STARD5: variants seen among roughly 807,000 people sequenced by gnomAD.
STARD5 encodes stAR-related lipid transfer protein 5.
STARD5 carries 26 observed loss-of-function variants against 24.6 expected under a neutral mutation model. That is an observed-to-expected ratio of 1.06 (90% CI 0.77 to 1.47). The LOEUF is 1.47. Ranked by LOEUF, STARD5 falls within the 40% of genes most tolerant of loss-of-function variation. The pLI is 0.00. For missense variants in STARD5, 254 were observed against 270.8 expected, an observed-to-expected ratio of 0.94 and a Z score of 0.44; for synonymous variants, 101 against 99.7, an observed-to-expected ratio of 1.01 and a Z score of -0.07.
chr15:81,320,854 T>G (rs895705052), intron 3 of STARD5, among the ~76,000 whole-genome samples: 1 of 152,320 alleles, frequency 6.6e-6, no homozygotes, highest in East Asian at 1.9e-4. Context: ...AAAGAAATTT[T>G]GAAGACAGCA....
chr15:81,322,182 G>A (rs918489220), intron 3 of STARD5, among the ~76,000 whole-genome samples: 4 of 152,184 alleles, frequency 2.6e-5, no homozygotes, highest in African/African-American at 7.2e-5. Context: ...TATGCTCCCC[G>A]CAGAGACTCT....
At chr15:81,322,352 G>GTTAC (rs1893305472) in intron 3 of STARD5, 56 bp downstream of exon 3, 1 of 1,608,940 alleles carries the variant, frequency 6.2e-7, no homozygotes, top group East Asian at 2.2e-5. Context: ...ATGGGAGGGG[G>GTTAC]TTACTATAGC....
chr15:81,313,160 C>A lies in STARD5; in HGVS notation c.*96G>T, dbSNP rs920723924. The A allele has an allele frequency of 7.2e-7, 1 of 1,384,228 alleles. No individual in the cohort carries two copies. Among genetic ancestry groups the A allele is most frequent in the Non-Finnish European group, 9.6e-7 (1 of 1,043,888 alleles). 85.7% of individuals were successfully genotyped at this position (1,384,228 alleles called of 1,614,324 possible). A position where few individuals can be genotyped will look rare whatever the true frequency, so the allele number is the denominator to read the frequency against. On this transcript the variant is annotated 3_prime_UTR_variant, in exon 6 of 6. Transcript: ENST00000302824. ...CCATCAGCTTGTTCCAAAGAGTGAA[C>A]ACAGGCCTCTGCGTGCTCCCAGGCT...
intron 5 of STARD5, among the ~76,000 whole-genome samples, chr15:81,317,089 C>T (rs970659146): frequency 2.0e-5 from 3 of 150,614 alleles, no homozygotes; most frequent in African/African-American, 7.4e-5. Flanking sequence ...CCCAGCTACT[C>T]GGGAGGCTGA....
rs1230853556 is a variant in STARD5, at chr15:81,309,667, CAG to C, written c.*3587_*3588del. Reference sequence around the variant, plus strand: ...AGGGAAGGGTGGTGGAGCCAGTAAACAGAGGAGTACAGGTGAAGCACCAAGCT... The same window carrying C: ...AGGGAAGGGTGGTGGAGCCAGTAAACAGGAGTACAGGTGAAGCACCAAGCT... On this transcript the variant is annotated 3_prime_UTR_variant, in exon 6 of 6. Transcript: ENST00000302824. The C allele has an allele frequency of 1.3e-5, 2 of 152,146 alleles. No homozygotes were observed. The highest frequency in any genetic ancestry group is 1.9e-4 in the East Asian group (1 of 5,182). The allele number at this position is 152,146 out of a possible 1,614,324, so 9.4% of individuals were successfully genotyped here.
At chr15:81,321,760 T>C (rs917319852) in intron 3 of STARD5, among the ~76,000 whole-genome samples, 4 of 152,134 alleles carry the variant, frequency 2.6e-5, no homozygotes, top group African/African-American at 9.7e-5. Context: ...GGAATGGAAA[T>C]TTGAGTTCCA....
chr15:81,313,173 G>C lies in STARD5; in HGVS notation c.*83C>G. On this transcript the variant is annotated 3_prime_UTR_variant, in exon 6 of 6. Coordinates refer to ENST00000302824, the MANE Select transcript of STARD5 (RefSeq NM_181900.3). ...CCAAAGAGTGAACACAGGCCTCTGC[G>C]TGCTCCCAGGCTCCTTGGTGTCCCA... 7.0e-7 allele frequency: 1 copy of C among 1,423,220 alleles called. No individual in the cohort carries two copies. The highest frequency in any genetic ancestry group is 9.3e-7 in the Non-Finnish European group (1 of 1,075,026). 88.2% of individuals were successfully genotyped at this position (1,423,220 alleles called of 1,614,324 possible). A position where few individuals can be genotyped will look rare whatever the true frequency, so the allele number is the denominator to read the frequency against.
chr15:81,320,527 T>G (rs79855055), intron 3 of STARD5, among the ~76,000 whole-genome samples: 2,147 of 152,244 alleles, frequency 0.014, 68 homozygotes, highest in African/African-American at 0.049. Flanking sequence ...AATCATCCTA[T>G]CATGAATTGT....
rs975277034 is a variant in STARD5 at position 81,311,325 on chromosome 15, T to G, written c.*1931A>C. 1 of 152,232 alleles carries G rather than the reference T, an allele frequency of 6.6e-6. No individual in the cohort carries two copies. Among genetic ancestry groups the G allele is most frequent in the East Asian group, 1.9e-4 (1 of 5,204 alleles). 9.4% of individuals were successfully genotyped at this position (152,232 alleles called of 1,614,324 possible). A position where few individuals can be genotyped will look rare whatever the true frequency, so the allele number is the denominator to read the frequency against. On this transcript the variant is annotated 3_prime_UTR_variant, in exon 6 of 6. Transcript: ENST00000302824. ...TACATTATCTCACTTGTGCCAACAC[T>G]CAAGAAGCAGGCTACACTGACACTG...
chr15:81,317,465 G>C lies in STARD5; in HGVS notation c.494+944C>G, dbSNP rs1263130402. On this transcript the variant is annotated intron_variant, in intron 5 of 5. Transcript: ENST00000302824. ...AGGGCACCTATATATTGGGAGAACT[G>C]AAACTGAGTGCAGGTGTGTATGTCT... 5.9e-5 allele frequency among the ~76,000 whole-genome samples: 9 copies of C among 152,154 alleles called. No individual in the cohort carries two copies. The South Asian group carries it at 1.9e-3, about 32-fold the overall frequency.
At chr15:81,319,776 C>T (rs6495562) in intron 3 of STARD5, among the ~76,000 whole-genome samples, 143,265 of 152,316 alleles carry the variant, frequency 0.94, 67,500 homozygotes, top group African/African-American at 0.99. Context: ...AAGCTCTCAG[C>T]TGTCCCTTAC....
In STARD5 at chr15:81,324,032, T is replaced by TC. The variant is rs1893342226; in HGVS notation, c.67dup (p.Asp23GlyfsTer59). 1 of 1,603,982 alleles carries TC rather than the reference T, an allele frequency of 6.2e-7. No individual in the cohort carries two copies. The highest frequency in any genetic ancestry group is 1.3e-5 in the African/African-American group (1 of 74,762). ...CCGGCAAATCTTCCAGCCTGCTGTG[T>TC]CCCGCCGGTACTGGAGCATCTTCTC... On this transcript the variant is annotated frameshift_variant, in exon 1 of 6. Coordinates refer to ENST00000302824, the MANE Select transcript of STARD5 (RefSeq NM_181900.3). LOFTEE classifies it high-confidence loss of function.
chr15:81,323,941 G>A, intron 1 of STARD5, 60 bp downstream of exon 1: 1 of 1,525,078 alleles, frequency 6.6e-7, no homozygotes, highest in Non-Finnish European at 8.9e-7. Context: ...GGGGGCTTCT[G>A]GGGACCCGGG....
Position 81,313,394 on chromosome 15 carries a change from G to A in STARD5, c.504C>T (p.Thr168=), listed in dbSNP as rs780771835. 100 of 1,549,746 alleles carry A rather than the reference G, an allele frequency of 6.5e-5. No homozygotes were observed. In the East Asian group the frequency reaches 2.3e-3, roughly 36 times the overall value. ...GGAAGAATGTGACCAGGTTGGTCTT[G>A]GTGGGTTCCCTGTGAAGGCAACAGC... ...CFCEPLPGEP[T]KTNLVTFFHT... is the part of the protein sequence containing the mutation. The change falls in exon 6 of 6, where the codon ACC becomes ACT. Residue 168 remains threonine, a synonymous_variant. Transcript: ENST00000302824.
chr15:81,320,446 A>G (rs1023230644), intron 3 of STARD5, among the ~76,000 whole-genome samples: 2 of 152,186 alleles, frequency 1.3e-5, no homozygotes, highest in Non-Finnish European at 2.9e-5. Context: ...CTGCCTGGGA[A>G]CAGGCTGCAC....
Position 81,310,283 on chromosome 15 carries a change from A to G in STARD5, c.*2973T>C, listed in dbSNP as rs1900784290. The stretch of plus-strand genomic sequence containing the variant: ...GATGGCTTCTCCAGGGTCCACAGGA[A>G]GTGAAGAATCTGTTTCCCAGCAGTG... On this transcript the variant is annotated 3_prime_UTR_variant, in exon 6 of 6. Coordinates refer to ENST00000302824, the MANE Select transcript of STARD5 (RefSeq NM_181900.3). 1 of 152,262 alleles carries G rather than the reference A, an allele frequency of 6.6e-6. No homozygotes were observed. Among genetic ancestry groups the G allele is most frequent in the Non-Finnish European group, 1.5e-5 (1 of 68,048 alleles). 9.4% of individuals were successfully genotyped at this position (152,262 alleles called of 1,614,324 possible).
intron 4 of STARD5, 44 bp downstream of exon 4, chr15:81,319,295 C>T (rs768499450): frequency 1.6e-5 from 25 of 1,532,668 alleles, no homozygotes; most frequent in East Asian, 4.5e-5. Flanking sequence ...AGAGAAAGCT[C>T]GATATCGCAG....
chr15:81,322,463 C>A lies in STARD5; in HGVS notation c.227G>T (p.Arg76Leu). 1 of 1,614,214 alleles carries A rather than the reference C, an allele frequency of 6.2e-7. No individual in the cohort carries two copies. Among genetic ancestry groups the A allele is most frequent in the Admixed American group, 1.7e-5 (1 of 60,030 alleles). ...DCVKPAVGGL[R>L]VKWDENVTGF... is the part of the protein sequence containing the mutation. The stretch of plus-strand genomic sequence containing the variant: ...GGTCACATTCTCATCCCACTTCACT[C>A]GTAGGCCTCCAACAGCTGGCTTCAC... The change falls in exon 3 of 6, where the codon CGA (arginine) becomes CTA (leucine). Residue 76 changes from arginine (R) to leucine (L), a missense_variant. By Grantham distance (102) the Arg-to-Leu change is moderately radical. Coordinates refer to ENST00000302824, the MANE Select transcript of STARD5 (RefSeq NM_181900.3).
At position 81,318,864 on chromosome 15, in the gene STARD5, C is replaced by CAGGAGA. The variant is rs1901136787; in HGVS notation, c.401-363_401-362insTCTCCT. On this transcript the variant is annotated intron_variant, in intron 4 of 5. Coordinates refer to ENST00000302824, the MANE Select transcript of STARD5 (RefSeq NM_181900.3). ...TTTGGTCATGGGAGGAGGCAGGTGC[C>CAGGAGA]TCTCTCAAATCTCAGCCAGGAGAGG... Among the ~76,000 whole-genome samples, 3 of 152,178 alleles carry CAGGAGA rather than the reference C, an allele frequency of 2.0e-5. No individual in the cohort carries two copies. The South Asian group carries it at 6.2e-4, about 32-fold the overall frequency.
Sources: allele counts gnomAD v4.1 joint callset (sites outside exome capture counted in the v4.1 genomes callset), GRCh38; gene constraint gnomAD v4.1.1; transcripts MANE v1.5; gene names NCBI Gene and HGNC (gene_info 2026-07-23, HGNC 2026-07-21).